The following CNTNAP2 variants were observed in gnomAD, a reference collection of about 807,000 sequenced individuals.
The protein encoded by CNTNAP2 is contactin-associated protein-like 2.
CNTNAP2 carries 98 observed loss-of-function variants against 155.2 expected under a neutral mutation model. That is an observed-to-expected ratio of 0.63 (90% CI 0.54 to 0.75). CNTNAP2 has a LOEUF of 0.75. Ranked by LOEUF, CNTNAP2 falls within the 30% of genes least tolerant of loss-of-function variation. CNTNAP2 has a pLI of 0.00. For missense variants in CNTNAP2, 1,727 were observed against 1,688.1 expected (o/e 1.02, Z -0.40); for synonymous variants, 651 against 631.2 (o/e 1.03, Z -0.47).
At chr7:146,830,670 T>C (rs1803492457) in intron 2 of CNTNAP2, among the ~76,000 whole-genome samples, 1 of 152,196 alleles carries the variant, frequency 6.6e-6, no homozygotes, top group Non-Finnish European at 1.5e-5. Context: ...GCTTTGTTTA[T>C]TGTTGATGTT....
intron 3 of CNTNAP2, among the ~76,000 whole-genome samples, chr7:146,902,121 T>C (rs1796016765): frequency 6.6e-6 from 1 of 152,080 alleles, no homozygotes. Flanking sequence ...CCTAAACTCG[T>C]GATCCACCCG....
At chr7:148,279,052 G>A (rs1796928077) in intron 21 of CNTNAP2, among the ~76,000 whole-genome samples, 1 of 152,164 alleles carries the variant, frequency 6.6e-6, no homozygotes, top group African/African-American at 2.4e-5. Flanking sequence ...GAAGTCAGAG[G>A]GTTAGCCAGC....
At chr7:147,048,259 G>A (rs1372397923) in intron 4 of CNTNAP2, among the ~76,000 whole-genome samples, 1 of 151,928 alleles carries the variant, frequency 6.6e-6, no homozygotes, top group Non-Finnish European at 1.5e-5. Context: ...AAGGTAGACA[G>A]GGAGAGATTT....
intron 21 of CNTNAP2, among the ~76,000 whole-genome samples, chr7:148,334,669 A>T (rs1036089354): frequency 1.3e-5 from 2 of 152,208 alleles, no homozygotes; most frequent in African/African-American, 4.8e-5. Context: ...CCCAGCATGG[A>T]GCACCAGGGC....
chr7:147,408,053 A>G (rs1356010057), intron 10 of CNTNAP2, among the ~76,000 whole-genome samples: 2 of 152,244 alleles, frequency 1.3e-5, no homozygotes, highest in Admixed American at 6.5e-5. Context: ...TCATTCTACA[A>G]TGTTTCATTG....
At chr7:147,305,032 C>G (rs549625185) in intron 9 of CNTNAP2, among the ~76,000 whole-genome samples, 6 of 152,056 alleles carry the variant, frequency 3.9e-5, no homozygotes, top group Non-Finnish European at 8.8e-5. Context: ...TGCACCAGTC[C>G]CATCATAGGG....
intron 13 of CNTNAP2, among the ~76,000 whole-genome samples, chr7:147,867,434 G>T (rs753606902): frequency 9.2e-5 from 14 of 152,074 alleles, no homozygotes; most frequent in African/African-American, 3.1e-4. Context: ...CCTTGGAGTG[G>T]CTCTTCTTGA....
At chr7:146,920,154 C>T (rs928823004) in intron 3 of CNTNAP2, among the ~76,000 whole-genome samples, 1 of 152,156 alleles carries the variant, frequency 6.6e-6, no homozygotes, top group Non-Finnish European at 1.5e-5. Flanking sequence ...TGGCTTATGC[C>T]TGTAAGCCCA....
chr7:148,254,291 G>A (rs1219274607), intron 20 of CNTNAP2, among the ~76,000 whole-genome samples: 3 of 151,844 alleles, frequency 2.0e-5, no homozygotes, highest in Non-Finnish European at 4.4e-5. Flanking sequence ...TTATTAAAGC[G>A]CCCCCACACA....
At chr7:146,274,704 G>A (rs531208864) in intron 1 of CNTNAP2, among the ~76,000 whole-genome samples, 6 of 152,258 alleles carry the variant, frequency 3.9e-5, no homozygotes, top group African/African-American at 9.6e-5. Flanking sequence ...GATTCAATGA[G>A]GGAGAAATGG....
At chr7:147,665,318 C>T (rs557699282) in intron 13 of CNTNAP2, among the ~76,000 whole-genome samples, 1 of 152,272 alleles carries the variant, frequency 6.6e-6, no homozygotes, top group East Asian at 1.9e-4. Context: ...ATTCTCATTA[C>T]TGTGTATGTG....
chr7:147,082,575 G>C lies in CNTNAP2; in HGVS notation c.551-25572G>C, dbSNP rs577392136. ...CATTGAACAGCTAGCAGTCTCTGCC[G>C]TGCGATTTACTTCCTCGCCCCTAGA... On this transcript the variant is annotated intron_variant, in intron 4 of 23. Coordinates refer to ENST00000361727, the MANE Select transcript of CNTNAP2 (RefSeq NM_014141.6). The C allele has an allele frequency of 4.6e-5, 7 of 152,268 alleles. No individual in the cohort carries two copies. In the East Asian group the frequency reaches 1.4e-3, roughly 29 times the overall value. The allele number at this position is 152,268 out of a possible 1,614,324, so 9.4% of individuals were successfully genotyped here.
intron 1 of CNTNAP2, among the ~76,000 whole-genome samples, chr7:146,342,815 A>G (rs1794751471): frequency 6.6e-6 from 1 of 152,222 alleles, no homozygotes; most frequent in Non-Finnish European, 1.5e-5. Flanking sequence ...CCTGTAAGAC[A>G]TGCTAACATT....
intron 1 of CNTNAP2, among the ~76,000 whole-genome samples, chr7:146,267,870 T>C (rs1404473137): frequency 6.6e-6 from 1 of 152,188 alleles, no homozygotes; most frequent in Non-Finnish European, 1.5e-5. Flanking sequence ...AGAGCTATGA[T>C]ACAAAGAGTC....
chr7:148,368,829 C>G (rs1270626961), intron 21 of CNTNAP2, among the ~76,000 whole-genome samples: 1 of 152,016 alleles, frequency 6.6e-6, no homozygotes, highest in Non-Finnish European at 1.5e-5. Context: ...CAGAACAGAC[C>G]AGGAAGTTTC....
At chr7:147,272,664 A>ATTTATT (rs764763837) in intron 8 of CNTNAP2, among the ~76,000 whole-genome samples, 4 of 138,928 alleles carry the variant, frequency 2.9e-5, no homozygotes, top group Admixed American at 2.8e-4. Flanking sequence ...CGCCCGGCTA[A>ATTTATT]TTTTTTTTTT....
At chr7:147,989,228 G>A (rs1324096097) in intron 15 of CNTNAP2, among the ~76,000 whole-genome samples, 1 of 152,212 alleles carries the variant, frequency 6.6e-6, no homozygotes, top group African/African-American at 2.4e-5. Context: ...GCTTAGGCCA[G>A]CAACCTTACA....
rs1193704625 is a variant in CNTNAP2 at position 148,288,088 on chromosome 7, CCTTTTTTTTTTTCTTTT to C, written c.3475+20975_3475+20991del. ...TACAGGCGTGAGCCACCGCGCCCAA[CCTTTTTTTTTTTCTTTT>C]CTTTTTTTTTTTTAAAGACAGTCTC... On this transcript the variant is annotated intron_variant, in intron 21 of 23. Coordinates refer to ENST00000361727, the MANE Select transcript of CNTNAP2 (RefSeq NM_014141.6). 8.0e-4 allele frequency among the ~76,000 whole-genome samples: 119 copies of C among 149,062 alleles called. 1 individual carries two copies. The East Asian group carries it at 0.018, about 22-fold the overall frequency.
chr7:146,930,715 G>A (rs575298983), intron 3 of CNTNAP2, among the ~76,000 whole-genome samples: 1,537 of 152,128 alleles, frequency 0.01, 24 homozygotes, highest in African/African-American at 0.035. Context: ...GACACACATA[G>A]GCTCAAAATA....
Sources: gnomAD v4.1 joint callset for allele counts (sites outside exome capture counted in the v4.1 genomes callset) on GRCh38, gnomAD v4.1.1 for gene constraint, MANE v1.5 for transcripts, NCBI Gene and HGNC (gene_info 2026-07-23, HGNC 2026-07-21) for gene names.